Variants in PLXDC2 observed in about 807,000 individuals in gnomAD.
PLXDC2 encodes the protein plexin domain-containing protein 2.
A neutral mutation model predicts 68.9 loss-of-function variants in PLXDC2; 40 were observed. The observed-to-expected ratio is 0.58, with a 90% CI of 0.45 to 0.76. PLXDC2 has a LOEUF of 0.76. Ranked by LOEUF, PLXDC2 falls within the 30% of genes least tolerant of loss-of-function variation. PLXDC2 has a pLI of 0.00. For missense variants in PLXDC2, 644 were observed against 661.9 expected, an observed-to-expected ratio of 0.97 and a Z score of 0.30; for synonymous variants, 243 against 234.2, an observed-to-expected ratio of 1.04 and a Z score of -0.34.
chr10:20,143,692 T>G (rs1261388319), intron 5 of PLXDC2, among the ~76,000 whole-genome samples: 1 of 152,084 alleles, frequency 6.6e-6, no homozygotes, highest in Non-Finnish European at 1.5e-5. Flanking sequence ...TTGATGCTAT[T>G]TCAATAAGTC....
chr10:20,040,195 G>A (rs143495942), intron 2 of PLXDC2, among the ~76,000 whole-genome samples: 1 of 152,170 alleles, frequency 6.6e-6, no homozygotes, highest in East Asian at 1.9e-4. Flanking sequence ...ATCATCTGAG[G>A]CAGCGACTGG....
chr10:20,279,868 T>C lies in PLXDC2; in HGVS notation c.*49T>C. Reference sequence around the variant, plus strand: ...AGTACTGGTTTACAGGTGTTAAGACTAAAATTTTGCCTATACCTTTAAGAC... The same window carrying C: ...AGTACTGGTTTACAGGTGTTAAGACCAAAATTTTGCCTATACCTTTAAGAC... On this transcript the variant is annotated 3_prime_UTR_variant, in exon 14 of 14. Transcript: ENST00000377252. The C allele has an allele frequency of 6.6e-7, 1 of 1,516,268 alleles. No homozygotes were observed. Among genetic ancestry groups the C allele is most frequent in the Non-Finnish European group, 9.1e-7 (1 of 1,094,364 alleles). 93.9% of individuals were successfully genotyped at this position (1,516,268 alleles called of 1,614,324 possible).
chr10:20,102,309 C>G (rs986062488), intron 4 of PLXDC2, among the ~76,000 whole-genome samples: 3 of 152,148 alleles, frequency 2.0e-5, no homozygotes, highest in African/African-American at 7.2e-5. Context: ...TTAGATAACT[C>G]GGTGTTTCCT....
intron 4 of PLXDC2, among the ~76,000 whole-genome samples, chr10:20,099,484 G>A (rs772639987): frequency 1.3e-5 from 2 of 152,020 alleles, no homozygotes; most frequent in Admixed American, 6.6e-5. Context: ...AATATTTCAC[G>A]TACTTTCATT....
At chr10:20,115,837 G>C (rs1229402346) in intron 4 of PLXDC2, among the ~76,000 whole-genome samples, 1 of 152,180 alleles carries the variant, frequency 6.6e-6, no homozygotes, top group Non-Finnish European at 1.5e-5. Context: ...AAGGTGCACT[G>C]TCATGGTCAG....
chr10:20,219,164 T>C, intron 12 of PLXDC2, 62 bp downstream of exon 12: 1 of 1,530,012 alleles, frequency 6.5e-7, no homozygotes, highest in Non-Finnish European at 8.9e-7. Context: ...TCATTTATTT[T>C]ACTATGAGAA....
At chr10:19,966,257 GTATGTGTAAGTACACATA>G (rs1180455140) in intron 1 of PLXDC2, among the ~76,000 whole-genome samples, 1 of 129,492 alleles carries the variant, frequency 7.7e-6, no homozygotes, top group Non-Finnish European at 1.6e-5. Flanking sequence ...TGTGTATATA[GTATGTGTAAGTACACATA>G]TATGTGTATA....
At chr10:19,993,974 G>A (rs79811029) in intron 1 of PLXDC2, among the ~76,000 whole-genome samples, 1,877 of 152,170 alleles carry the variant, frequency 0.012, 46 homozygotes, top group African/African-American at 0.042. Context: ...CTTATGCCTC[G>A]AACTTCCAGA....
chr10:19,857,171 C>T (rs1259009588), intron 1 of PLXDC2, among the ~76,000 whole-genome samples: 1 of 152,142 alleles, frequency 6.6e-6, no homozygotes, highest in East Asian at 1.9e-4. Flanking sequence ...CTACAGCTAG[C>T]AAGTTACAGA....
chr10:20,246,343 T>C (rs1260048024), intron 13 of PLXDC2, among the ~76,000 whole-genome samples: 1 of 152,220 alleles, frequency 6.6e-6, no homozygotes, highest in African/African-American at 2.4e-5. Context: ...CCCATGCATA[T>C]GCAGGTTTTT....
intron 4 of PLXDC2, among the ~76,000 whole-genome samples, chr10:20,140,259 A>G (rs1833984810): frequency 6.6e-6 from 1 of 152,144 alleles, no homozygotes; most frequent in Non-Finnish European, 1.5e-5. Context: ...AGATCGCGCC[A>G]CTGCACTCCA....
chr10:19,878,756 T>C (rs1009751307), intron 1 of PLXDC2, among the ~76,000 whole-genome samples: 2 of 152,218 alleles, frequency 1.3e-5, no homozygotes, highest in East Asian at 1.9e-4. Flanking sequence ...ATTTTGTGTC[T>C]TTTTTCCACT....
intron 6 of PLXDC2, among the ~76,000 whole-genome samples, chr10:20,160,767 C>T (rs932346850): frequency 6.6e-6 from 1 of 152,120 alleles, no homozygotes; most frequent in Non-Finnish European, 1.5e-5. Flanking sequence ...AAATGCTGCA[C>T]AAAGTGAAAC....
At chr10:20,189,502 T>TATATATATATATACAC (rs1347881382) in intron 9 of PLXDC2, among the ~76,000 whole-genome samples, 1 of 123,022 alleles carries the variant, frequency 8.1e-6, no homozygotes, top group African/African-American at 2.9e-5. Context: ...TATATATATA[T>TATATATATATATACAC]ATACACATAC....
intron 1 of PLXDC2, among the ~76,000 whole-genome samples, chr10:19,966,603 TTG>T (rs1834268243): frequency 6.6e-6 from 1 of 151,986 alleles, no homozygotes; most frequent in African/African-American, 2.4e-5. Context: ...TTAAATTATT[TTG>T]TCTCATGAAT....
At chr10:20,190,577 C>T (rs1834751681) in intron 9 of PLXDC2, among the ~76,000 whole-genome samples, 1 of 142,110 alleles carries the variant, frequency 7.0e-6, no homozygotes, top group Admixed American at 7.4e-5. Context: ...GCACATGTAC[C>T]CTAGAACTTA....
intron 9 of PLXDC2, among the ~76,000 whole-genome samples, chr10:20,180,729 T>G (rs1834592387): frequency 6.6e-6 from 1 of 152,092 alleles, no homozygotes. Flanking sequence ...GAGCAAAAAC[T>G]AAGGCAAAAT....
chr10:20,260,423 C>T (rs1275644991), intron 13 of PLXDC2, among the ~76,000 whole-genome samples: 1 of 152,178 alleles, frequency 6.6e-6, no homozygotes, highest in Non-Finnish European at 1.5e-5. Flanking sequence ...TTAAAAAATT[C>T]CACATGTGAT....
intron 2 of PLXDC2, among the ~76,000 whole-genome samples, chr10:20,030,696 T>C (rs1311994363): frequency 6.6e-6 from 1 of 152,108 alleles, no homozygotes; most frequent in Non-Finnish European, 1.5e-5. Flanking sequence ...CTGACTGGTT[T>C]ATACAGCTGA....
Sources: allele counts gnomAD v4.1 joint callset (sites outside exome capture counted in the v4.1 genomes callset), GRCh38; gene constraint gnomAD v4.1.1; transcripts MANE v1.5; gene names NCBI Gene and HGNC (gene_info 2026-07-23, HGNC 2026-07-21).